Variants in CASP10 observed in about 807,000 individuals in gnomAD.
CASP10 encodes the protein caspase-10.
In CASP10, 41 loss-of-function variants were observed where a neutral mutation model predicts 48.5. The ratio of observed to expected loss-of-function variants is 0.85; its 90% CI spans 0.66 to 1.10. The LOEUF is 1.10. Among genes scored for constraint, CASP10 ranks in the 50% least tolerant of loss-of-function variants. The pLI is 0.00. For synonymous variants in CASP10, 232 were observed against 238.4 expected (o/e 0.97, Z 0.25); for missense variants, 614 against 614.5 (o/e 1.00, Z 0.01).
At chr2:201,189,777 C>G (rs777490464) in intron 3 of CASP10, among the ~76,000 whole-genome samples, 4 of 152,056 alleles carry the variant, frequency 2.6e-5, no homozygotes, top group African/African-American at 4.8e-5. Flanking sequence ...GTGGACAGGT[C>G]ACTTGAGCCT....
At chr2:201,202,128 G>T (rs1354798205) in intron 5 of CASP10, among the ~76,000 whole-genome samples, 3 of 152,194 alleles carry the variant, frequency 2.0e-5, no homozygotes, top group Non-Finnish European at 2.9e-5. Flanking sequence ...TGGGATTACA[G>T]GCGTGAGCCA....
intron 5 of CASP10, among the ~76,000 whole-genome samples, chr2:201,201,644 G>A (rs1293554130): frequency 2.0e-5 from 3 of 152,158 alleles, no homozygotes; most frequent in Non-Finnish European, 2.9e-5. Context: ...AGTACTAGAA[G>A]TGCAAAGGGG....
At chr2:201,187,847 A>G in intron 3 of CASP10, 48 bp downstream of exon 3, 3 of 1,317,058 alleles carry the variant, frequency 2.3e-6, no homozygotes, top group East Asian at 2.3e-5. Context: ...GTCTTAATCA[A>G]TGATTAGAAA....
chr2:201,222,220 CTTTT>C (rs11392581), downstream of CASP10, among the ~76,000 whole-genome samples: 4 of 136,646 alleles, frequency 2.9e-5, no homozygotes, highest in Admixed American at 7.4e-5. Flanking sequence ...TTTATTCATT[CTTTT>C]TTTTTTTTTT....
chr2:201,185,662 G>A, intron 1 of CASP10, 109 bp from the exon 2 acceptor site: 1 of 778,134 alleles, frequency 1.3e-6, no homozygotes, highest in East Asian at 2.4e-5. Flanking sequence ...TTCTAGGAAA[G>A]TCTAATGCCC....
downstream of CASP10, among the ~76,000 whole-genome samples, chr2:201,225,897 T>TG (rs932506870): frequency 6.6e-6 from 1 of 152,006 alleles, no homozygotes; most frequent in African/African-American, 2.4e-5. Flanking sequence ...CTCTGGCAGG[T>TG]GGAGGTTGCA....
At chr2:201,200,432 T>C (rs767900785) in intron 5 of CASP10, 1 of 1,598,090 alleles carries the variant, frequency 6.3e-7, no homozygotes, top group East Asian at 2.2e-5. Context: ...AGGACCCTCC[T>C]TTCTCCCCAG....
At position 201,218,130 on chromosome 2, in the gene CASP10, C is replaced by T. The variant is rs1945632292; in HGVS notation, c.*389C>T. ...GATGGAGGGATCTCACTTTGTTGCA[C>T]AGGCTGGTTTCAAACTCCTAGGCCC... On this transcript the variant is annotated 3_prime_UTR_variant, in exon 10 of 10. Transcript: ENST00000286186. 3 of 880,886 alleles carry T rather than the reference C, an allele frequency of 3.4e-6. No homozygotes were observed. The highest frequency in any genetic ancestry group is 4.8e-5 in the Admixed American group (1 of 20,654). 54.6% of individuals were successfully genotyped at this position (880,886 alleles called of 1,614,324 possible). A position where few individuals can be genotyped will look rare whatever the true frequency, so the allele number is the denominator to read the frequency against.
chr2:201,189,227 T>C (rs1383144229), intron 3 of CASP10, among the ~76,000 whole-genome samples: 1 of 151,906 alleles, frequency 6.6e-6, no homozygotes, highest in Non-Finnish European at 1.5e-5. Context: ...GGTTACCCAG[T>C]GATACAGCTT....
intron 5 of CASP10, chr2:201,200,364 C>G: frequency 1.5e-6 from 2 of 1,314,334 alleles, no homozygotes; most frequent in South Asian, 2.4e-5. Context: ...CAATGCTTTT[C>G]TGACTCCAGT....
chr2:201,204,874 C>A (rs1945146651), intron 6 of CASP10, among the ~76,000 whole-genome samples: 1 of 152,166 alleles, frequency 6.6e-6, no homozygotes, highest in Non-Finnish European at 1.5e-5. Flanking sequence ...GTGCTCTGAG[C>A]CACTGAAGCG....
In CASP10 at chr2:201,187,686, AT is replaced by A; in HGVS notation, c.348-16del. On this transcript the variant is annotated intron_variant, in intron 2 of 9. Coordinates refer to ENST00000286186, the MANE Select transcript of CASP10 (RefSeq NM_032977.4). ...CCACAAGTGTAAGGCTTTATTTGTC[AT>A]TTTGGGTGTGTGTCTTAGAAACCTG... The A allele has an allele frequency of 6.3e-7, 1 of 1,584,974 alleles. No homozygotes were observed. Among genetic ancestry groups the A allele is most frequent in the Non-Finnish European group, 8.7e-7 (1 of 1,153,506 alleles).
At chr2:201,185,647 A>G in intron 1 of CASP10, 124 bp from the exon 2 acceptor site, 1 of 717,568 alleles carries the variant, frequency 1.4e-6, no homozygotes, top group Non-Finnish European at 2.5e-6. Flanking sequence ...TTTATTTTTC[A>G]GCACTTCTAG....
intron 5 of CASP10, chr2:201,200,745 G>A: frequency 8.2e-7 from 1 of 1,214,786 alleles, no homozygotes; most frequent in Non-Finnish European, 1.0e-6. Flanking sequence ...CTTGCTGTGA[G>A]TTTATTCATT....
intron 6 of CASP10, among the ~76,000 whole-genome samples, chr2:201,204,284 C>G (rs529764636): frequency 3.4e-4 from 51 of 152,194 alleles, no homozygotes; most frequent in Non-Finnish European, 1.3e-4. Context: ...GGTTAAACTG[C>G]TTATGAACAA....
chr2:201,205,856 T>C, intron 6 of CASP10, 26 bp from the exon 7 acceptor site: 1 of 1,319,676 alleles, frequency 7.6e-7, no homozygotes, highest in Non-Finnish European at 1.1e-6. Flanking sequence ...GGAAGATATT[T>C]GGAGTCTGAG....
intron 5 of CASP10, among the ~76,000 whole-genome samples, chr2:201,199,494 A>G (rs1944932544): frequency 6.6e-6 from 1 of 152,082 alleles, no homozygotes; most frequent in African/African-American, 2.4e-5. Context: ...AAAAGAAAAT[A>G]ATAAAAATTA....
downstream of CASP10, among the ~76,000 whole-genome samples, chr2:201,223,612 C>T (rs183407263): frequency 2.6e-5 from 4 of 152,320 alleles, no homozygotes; most frequent in African/African-American, 9.6e-5. Flanking sequence ...AACTCCGGAG[C>T]CATACCAAAC....
At chr2:201,193,428 G>A (rs761753815) in intron 4 of CASP10, 2 of 346,772 alleles carry the variant, frequency 5.8e-6, no homozygotes, top group Non-Finnish European at 5.6e-6. Context: ...GGCTGGTCTC[G>A]AACTCCTGAC....
Sources: gnomAD v4.1 joint callset for allele counts (sites outside exome capture counted in the v4.1 genomes callset) on GRCh38, gnomAD v4.1.1 for gene constraint, MANE v1.5 for transcripts, NCBI Gene and HGNC (gene_info 2026-07-23, HGNC 2026-07-21) for gene names.